NAA11: variants seen among roughly 807,000 people sequenced by gnomAD.
NAA11 encodes N-alpha-acetyltransferase 11, NatA catalytic subunit.
In NAA11, 15 loss-of-function variants were observed where a neutral mutation model predicts 16.1. The observed-to-expected ratio is 0.93, with a 90% CI of 0.62 to 1.44. The LOEUF (loss-of-function observed/expected upper bound fraction) is 1.44. Among genes scored for constraint, NAA11 ranks in the 40% most tolerant of loss-of-function variants. The pLI is 0.00. For synonymous variants in NAA11, 122 were observed against 112.4 expected, an observed-to-expected ratio of 1.09 and a Z score of -0.54; for missense variants, 298 against 291.3, an observed-to-expected ratio of 1.02 and a Z score of -0.17.
At chr4:79,234,283 G>A (rs146968683) in intron 2 of NAA11, among the ~76,000 whole-genome samples, 1 of 152,212 alleles carries the variant, frequency 6.6e-6, no homozygotes, top group Admixed American at 6.5e-5. Flanking sequence ...AATTATTTGA[G>A]TAAAGTTTCA....
chr4:79,230,668 G>A (rs560795726), intron 2 of NAA11, among the ~76,000 whole-genome samples: 1 of 152,030 alleles, frequency 6.6e-6, no homozygotes, highest in South Asian at 2.1e-4. Flanking sequence ...CCTGACATTG[G>A]CCTTGTTTGT....
At position 79,316,940 on chromosome 4, in the gene NAA11, C is replaced by G. The variant is rs1723944205; in HGVS notation, c.*864G>C. 6.6e-6 allele frequency: 1 copy of G among 152,166 alleles called. No homozygotes were observed. The highest frequency in any genetic ancestry group is 1.5e-5 in the Non-Finnish European group (1 of 68,042). The allele number at this position is 152,166 out of a possible 1,614,324, so 9.4% of individuals were successfully genotyped here. A position where few individuals can be genotyped will look rare whatever the true frequency, so the allele number is the denominator to read the frequency against. On this transcript the variant is annotated 3_prime_UTR_variant, in exon 2 of 2. Transcript: ENST00000286794. ...GTTCAGATCCAGGATATTTAATTCACTTCTCTGAGCTTCAGTTTCCTCATC... is the reference window on the plus strand; with the variant it reads ...GTTCAGATCCAGGATATTTAATTCAGTTCTCTGAGCTTCAGTTTCCTCATC...
the NAA11 span, among the ~76,000 whole-genome samples, chr4:79,172,445 A>G: frequency 3.3e-5 from 5 of 152,164 alleles, no homozygotes; most frequent in African/African-American, 1.2e-4. Flanking sequence ...CTTTAATTAT[A>G]TGCTTTAAAC....
chr4:79,274,684 A>G (rs896479268), intron 2 of NAA11, among the ~76,000 whole-genome samples: 7 of 152,036 alleles, frequency 4.6e-5, no homozygotes, highest in African/African-American at 1.7e-4. Context: ...GAATTAGTAT[A>G]TGAAAGGTGC....
chr4:79,319,849 A>T (rs1724039690), intron 1 of NAA11, among the ~76,000 whole-genome samples: 1 of 152,214 alleles, frequency 6.6e-6, no homozygotes, highest in South Asian at 2.1e-4. Context: ...TCCATATTTC[A>T]TTATATCATT....
At chr4:79,240,269 C>T (rs1721661937) in intron 2 of NAA11, among the ~76,000 whole-genome samples, 1 of 152,148 alleles carries the variant, frequency 6.6e-6, no homozygotes, top group Non-Finnish European at 1.5e-5. Flanking sequence ...AACCTTACCA[C>T]ATCCCCCATC....
intron 2 of NAA11, among the ~76,000 whole-genome samples, chr4:79,244,075 G>A (rs1168226922): frequency 6.6e-6 from 1 of 152,176 alleles, no homozygotes; most frequent in African/African-American, 2.4e-5. Context: ...ATCTTAAGGT[G>A]CATGACCAGG....
At chr4:79,177,676 A>G in the NAA11 span, among the ~76,000 whole-genome samples, 1 of 152,120 alleles carries the variant, frequency 6.6e-6, no homozygotes. Flanking sequence ...TTTTAGTAAT[A>G]ATAATAACAG....
At chr4:79,264,067 T>G (rs1405934728) in intron 2 of NAA11, among the ~76,000 whole-genome samples, 1 of 152,148 alleles carries the variant, frequency 6.6e-6, no homozygotes, top group Non-Finnish European at 1.5e-5. Flanking sequence ...AATATTTAAC[T>G]TTGCATGTAT....
chr4:79,309,377 CAT>C (rs1226922847), intron 1 of NAA11, among the ~76,000 whole-genome samples: 3 of 152,130 alleles, frequency 2.0e-5, no homozygotes, highest in Admixed American at 2.0e-4. Flanking sequence ...CAAAGCATTT[CAT>C]ATGTTATTTT....
the NAA11 span, among the ~76,000 whole-genome samples, chr4:79,205,029 T>A: frequency 1.3e-5 from 2 of 151,956 alleles, no homozygotes; most frequent in African/African-American, 2.4e-5. Flanking sequence ...TCATCTGTGT[T>A]ATATATACAC....
chr4:79,298,575 G>A (rs1004998213), intron 1 of NAA11, among the ~76,000 whole-genome samples: 1 of 152,236 alleles, frequency 6.6e-6, no homozygotes, highest in Non-Finnish European at 1.5e-5. Flanking sequence ...CCCAGTGCCA[G>A]CACCTGGAGT....
At chr4:79,194,491 A>T in the NAA11 span, among the ~76,000 whole-genome samples, 1 of 151,930 alleles carries the variant, frequency 6.6e-6, no homozygotes, top group South Asian at 2.1e-4. Context: ...TAACAGTGTG[A>T]CTCTGGGTGC....
At chr4:79,261,504 G>T (rs1272560025) in intron 2 of NAA11, among the ~76,000 whole-genome samples, 2 of 152,160 alleles carry the variant, frequency 1.3e-5, no homozygotes, top group Admixed American at 1.3e-4. Context: ...TTTTAATACT[G>T]ATTTGGGAGA....
chr4:79,275,061 A>T lies in NAA11; in HGVS notation c.*122+18944T>A, dbSNP rs541493232. 3.3e-5 allele frequency among the ~76,000 whole-genome samples: 5 copies of T among 152,172 alleles called. No homozygotes were observed. In the East Asian group the frequency reaches 9.7e-4, roughly 29 times the overall value. On this transcript the variant is annotated intron_variant and NMD_transcript_variant, in intron 2 of 2. Coordinates refer to the NAA11 transcript ENST00000511542. The stretch of plus-strand genomic sequence containing the variant: ...ACTATGAGTCTGTATGTAGTTCAAG[A>T]TGAATAAAAATTACTCAGAAAAATT...
chr4:79,161,304 G>A, the NAA11 span, among the ~76,000 whole-genome samples: 1 of 151,952 alleles, frequency 6.6e-6, no homozygotes, highest in African/African-American at 2.4e-5. Context: ...GAAGAATCCT[G>A]GAGCCCTTGT....
intron 1 of NAA11, among the ~76,000 whole-genome samples, chr4:79,297,354 C>T (rs768151740): frequency 2.6e-5 from 4 of 152,162 alleles, no homozygotes; most frequent in Non-Finnish European, 5.9e-5. Flanking sequence ...AGGGCCTCAG[C>T]GAGGACCTGG....
At chr4:79,298,226 C>G (rs1290705174) in intron 1 of NAA11, among the ~76,000 whole-genome samples, 1 of 152,240 alleles carries the variant, frequency 6.6e-6, no homozygotes, top group Admixed American at 6.5e-5. Flanking sequence ...TCCTCTTCGT[C>G]TTGCTCACCC....
At chr4:79,318,449 C>CCATT (rs906364039) in intron 1 of NAA11, among the ~76,000 whole-genome samples, 1 of 152,014 alleles carries the variant, frequency 6.6e-6, no homozygotes, top group East Asian at 1.9e-4. Context: ...TTTGAGAGGT[C>CCATT]CATTCATTCA....
Sources: gnomAD v4.1 joint callset for allele counts (sites outside exome capture counted in the v4.1 genomes callset) on GRCh38, gnomAD v4.1.1 for gene constraint, MANE v1.5 for transcripts, NCBI Gene and HGNC (gene_info 2026-07-23, HGNC 2026-07-21) for gene names.